ENTREP2: variants seen among roughly 807,000 people sequenced by gnomAD.
ENTREP2 encodes the protein protein ENTREP2.
the ENTREP2 span, among the ~76,000 whole-genome samples, chr15:29,153,157 T>TG: frequency 4.0e-5 from 6 of 148,800 alleles, no homozygotes; most frequent in African/African-American, 1.5e-4. Context: ...TTTTTTTTTT[T>TG]GTAGTGTTGA....
chr15:29,158,794 GATGTTATTA>G, the ENTREP2 span, among the ~76,000 whole-genome samples: 2 of 151,806 alleles, frequency 1.3e-5, no homozygotes, highest in African/African-American at 2.4e-5. Context: ...TTAGCTTTTT[GATGTTATTA>G]ATGTTATAAA....
At chr15:29,252,194 T>C in the ENTREP2 span, among the ~76,000 whole-genome samples, 1 of 152,336 alleles carries the variant, frequency 6.6e-6, no homozygotes, top group South Asian at 2.1e-4. Flanking sequence ...TGAATTGTTA[T>C]CTAACTTATA....
chr15:29,493,672 T>C, the ENTREP2 span, among the ~76,000 whole-genome samples: 343 of 149,602 alleles, frequency 2.3e-3, 1 homozygote, highest in African/African-American at 8.2e-3. Context: ...GATAGACAGA[T>C]AGAGATAATA....
chr15:29,417,554 T>TA, the ENTREP2 span, among the ~76,000 whole-genome samples: 1 of 152,022 alleles, frequency 6.6e-6, no homozygotes, highest in Non-Finnish European at 1.5e-5. Flanking sequence ...AATGACGAGT[T>TA]AATGGGTGCA....
At chr15:29,386,763 C>T in the ENTREP2 span, among the ~76,000 whole-genome samples, 8 of 152,130 alleles carry the variant, frequency 5.3e-5, no homozygotes, top group African/African-American at 1.4e-4. Flanking sequence ...TCACGCTCTC[C>T]GCACACACAC....
At chr15:29,604,178 A>G in the ENTREP2 span, among the ~76,000 whole-genome samples, 1 of 152,244 alleles carries the variant, frequency 6.6e-6, no homozygotes, top group Non-Finnish European at 1.5e-5. Flanking sequence ...AATACCGATA[A>G]TGAATAAAAA....
chr15:29,535,742 C>CT, the ENTREP2 span, among the ~76,000 whole-genome samples: 3,096 of 146,050 alleles, frequency 0.021, 96 homozygotes, highest in African/African-American at 0.071. Context: ...CCCAAATATT[C>CT]TTTTTTTTTT....
chr15:29,155,261 A>G, the ENTREP2 span, among the ~76,000 whole-genome samples: 41 of 149,608 alleles, frequency 2.7e-4, no homozygotes, highest in Non-Finnish European at 3.7e-4. Context: ...CAGCCTGGGC[A>G]ACAGAACGAG....
At chr15:29,363,576 T>C in the ENTREP2 span, among the ~76,000 whole-genome samples, 1 of 152,046 alleles carries the variant, frequency 6.6e-6, no homozygotes, top group Non-Finnish European at 1.5e-5. Context: ...AGCATAGCAA[T>C]GAAGAGAGAG....
At chr15:29,491,215 C>T in the ENTREP2 span, among the ~76,000 whole-genome samples, 3 of 152,174 alleles carry the variant, frequency 2.0e-5, no homozygotes, top group Non-Finnish European at 2.9e-5. Flanking sequence ...GGCTAGCCCA[C>T]GAGCCCTGTG....
the ENTREP2 span, among the ~76,000 whole-genome samples, chr15:29,231,171 T>C: frequency 6.6e-6 from 1 of 152,210 alleles, no homozygotes; most frequent in Non-Finnish European, 1.5e-5. Context: ...TTTTCCACCA[T>C]TAGAACATTT....
the ENTREP2 span, among the ~76,000 whole-genome samples, chr15:29,406,780 C>G: frequency 6.6e-6 from 1 of 152,042 alleles, no homozygotes; most frequent in South Asian, 2.1e-4. Flanking sequence ...TTCTCACTTT[C>G]CCCTCCAACA....
chr15:29,673,220 T>C, the ENTREP2 span, among the ~76,000 whole-genome samples: 1 of 152,148 alleles, frequency 6.6e-6, no homozygotes, highest in Non-Finnish European at 1.5e-5. Context: ...GTCGCCATCT[T>C]GGTTTTGGTG....
the ENTREP2 span, among the ~76,000 whole-genome samples, chr15:29,258,484 T>C: frequency 9.4e-5 from 12 of 128,102 alleles, no homozygotes; most frequent in East Asian, 2.6e-3. Flanking sequence ...TAAGATCTTT[T>C]TGCCTGTTTA....
At chr15:29,417,387 T>C in the ENTREP2 span, among the ~76,000 whole-genome samples, 11 of 152,038 alleles carry the variant, frequency 7.2e-5, no homozygotes, top group African/African-American at 2.7e-4. Flanking sequence ...CAGCAAACTA[T>C]CGCAAGGACA....
At chr15:29,528,246 C>T in the ENTREP2 span, among the ~76,000 whole-genome samples, 1 of 151,758 alleles carries the variant, frequency 6.6e-6, no homozygotes. Flanking sequence ...GTGACAGCAT[C>T]TGAGATTGCA....
At chr15:29,497,028 G>A in the ENTREP2 span, among the ~76,000 whole-genome samples, 11 of 152,270 alleles carry the variant, frequency 7.2e-5, no homozygotes, top group African/African-American at 2.6e-4. Context: ...CCTAATGGGA[G>A]GTGCTTAGGT....
chr15:29,487,937 C>T, the ENTREP2 span, among the ~76,000 whole-genome samples: 1 of 152,206 alleles, frequency 6.6e-6, no homozygotes, highest in East Asian at 1.9e-4. Context: ...AAGTGATCTG[C>T]CCACCTTAAC....
the ENTREP2 span, among the ~76,000 whole-genome samples, chr15:29,161,590 C>T: frequency 6.6e-6 from 1 of 152,168 alleles, no homozygotes; most frequent in African/African-American, 2.4e-5. Context: ...CTTGTAAGAA[C>T]ATCAAGAGCA....
Sources: gnomAD v4.1 joint callset for allele counts (sites outside exome capture counted in the v4.1 genomes callset) on GRCh38, gnomAD v4.1.1 for gene constraint, MANE v1.5 for transcripts, NCBI Gene and HGNC (gene_info 2026-07-23, HGNC 2026-07-21) for gene names.